The following PDE11A variants were observed in gnomAD, a reference collection of about 807,000 sequenced individuals.
PDE11A encodes dual 3',5'-cyclic-AMP and -GMP phosphodiesterase 11A.
Under a neutral mutation model 100.5 loss-of-function variants are expected in PDE11A, and 100 were observed. The observed-to-expected ratio is 1.00, with a 90% CI of 0.85 to 1.18. PDE11A has a LOEUF of 1.18. Ranked by LOEUF, PDE11A falls within the 50% of genes most tolerant of loss-of-function variation. The pLI, the probability that PDE11A is intolerant of heterozygous loss-of-function variation, is 0.00. For synonymous variants in PDE11A, 381 were observed against 420.8 expected (o/e 0.91, Z 1.16); for missense variants, 1,141 against 1,152.6 (o/e 0.99, Z 0.15).
chr2:177,814,795 AG>A (rs1407681650), intron 9 of PDE11A, among the ~76,000 whole-genome samples: 1 of 152,182 alleles, frequency 6.6e-6, no homozygotes, highest in East Asian at 1.9e-4. Context: ...CAGAAATTCT[AG>A]GGTATATGAG....
At chr2:178,073,912 T>G (rs914677693), upstream of PDE11A, among the ~76,000 whole-genome samples, 15 of 152,022 alleles carry the variant, frequency 9.9e-5, no homozygotes, top group Middle Eastern at 3.4e-3. Context: ...TGTCAGGGTT[T>G]TTTTTTTTTT....
intron 2 of PDE11A, among the ~76,000 whole-genome samples, chr2:177,921,061 CAA>C (rs34249286): frequency 4.6e-5 from 4 of 87,824 alleles, no homozygotes; most frequent in African/African-American, 8.6e-5. Flanking sequence ...GACTCCATCT[CAA>C]AAAAAAAAAA....
chr2:177,879,978 T>C (rs574304701), intron 4 of PDE11A, among the ~76,000 whole-genome samples: 1 of 152,332 alleles, frequency 6.6e-6, no homozygotes, highest in African/African-American at 2.4e-5. Flanking sequence ...TTTTAATGTA[T>C]AAGGGGAAAG....
chr2:177,722,139 C>A (rs1276650994), intron 12 of PDE11A, among the ~76,000 whole-genome samples: 1 of 152,084 alleles, frequency 6.6e-6, no homozygotes, highest in Non-Finnish European at 1.5e-5. Context: ...TCACTTTAAT[C>A]AAAAATCCTA....
chr2:177,797,650 T>C (rs1000686951), intron 9 of PDE11A, among the ~76,000 whole-genome samples: 18 of 152,228 alleles, frequency 1.2e-4, no homozygotes, highest in Non-Finnish European at 2.9e-5. Context: ...ATGGGGACTA[T>C]GTTAAGTTAC....
At chr2:177,720,623 A>G (rs371360615) in intron 12 of PDE11A, among the ~76,000 whole-genome samples, 1 of 152,314 alleles carries the variant, frequency 6.6e-6, no homozygotes, top group East Asian at 1.9e-4. Context: ...TAGGACCAAC[A>G]AACTCACATG....
At chr2:177,904,965 C>A (rs2084759277) in intron 3 of PDE11A, 133 bp downstream of exon 3, 1 of 693,030 alleles carries the variant, frequency 1.4e-6, no homozygotes, top group African/African-American at 1.8e-5. Context: ...CACAGCCTTG[C>A]AGAATTATAC....
chr2:177,650,227 A>G (rs2080288142), intron 19 of PDE11A, among the ~76,000 whole-genome samples: 1 of 152,138 alleles, frequency 6.6e-6, no homozygotes, highest in African/African-American at 2.4e-5. Context: ...AAAACTCTTC[A>G]ATCCCTATCA....
chr2:178,009,460 T>C (rs1574339000), intron 2 of PDE11A, among the ~76,000 whole-genome samples: 5 of 152,218 alleles, frequency 3.3e-5, no homozygotes. Flanking sequence ...CTATATTTCA[T>C]ACAAACTCTC....
intron 6 of PDE11A, among the ~76,000 whole-genome samples, chr2:177,827,476 T>C (rs1453562949): frequency 6.6e-6 from 1 of 152,246 alleles, no homozygotes; most frequent in African/African-American, 2.4e-5. Context: ...TATTTAAATG[T>C]TGAGTCCAAG....
rs957614517 is a variant in PDE11A at position 178,072,759 on chromosome 2, T to G, written c.-322A>C. The G allele has an allele frequency of 1.5e-6, 2 of 1,292,914 alleles. No individual in the cohort carries two copies. The highest frequency in any genetic ancestry group is 2.0e-6 in the Non-Finnish European group (2 of 1,011,280). 80.1% of individuals were successfully genotyped at this position (1,292,914 alleles called of 1,614,324 possible). ...CTGTTCTGGCTGCCGCCGCTGCTGC[T>G]GGAACTGCTGCTGTAACCGGATGAG... On this transcript the variant is annotated 5_prime_UTR_variant, in exon 1 of 20. Transcript: ENST00000286063.
At chr2:178,077,450 A>G (rs2087222528), upstream of PDE11A, among the ~76,000 whole-genome samples, 1 of 151,858 alleles carries the variant, frequency 6.6e-6, no homozygotes, top group African/African-American at 2.4e-5. Context: ...CACTCAATCC[A>G]GTATATTTTA....
intron 19 of PDE11A, among the ~76,000 whole-genome samples, chr2:177,652,737 A>G (rs1486838062): frequency 2.0e-5 from 3 of 152,174 alleles, no homozygotes; most frequent in Non-Finnish European, 4.4e-5. Context: ...GCTAGAAACT[A>G]ATAGAGAAGA....
chr2:177,834,454 T>C (rs1187677645), intron 6 of PDE11A, among the ~76,000 whole-genome samples: 5 of 152,232 alleles, frequency 3.3e-5, no homozygotes, highest in Non-Finnish European at 7.3e-5. Context: ...ACCTATCTTT[T>C]CTTTTACAAT....
At chr2:177,783,540 C>T (rs950539334) in intron 9 of PDE11A, among the ~76,000 whole-genome samples, 1 of 151,912 alleles carries the variant, frequency 6.6e-6, no homozygotes, top group Non-Finnish European at 1.5e-5. Flanking sequence ...ACCTTTTTTC[C>T]TGAGGCCCTG....
At chr2:177,885,142 A>G (rs2084408458) in intron 4 of PDE11A, among the ~76,000 whole-genome samples, 1 of 152,058 alleles carries the variant, frequency 6.6e-6, no homozygotes, top group Admixed American at 6.6e-5. Context: ...ATTGATATAC[A>G]GTTATTAATA....
chr2:177,946,168 C>CA, intron 2 of PDE11A, among the ~76,000 whole-genome samples: 1 of 115,186 alleles, frequency 8.7e-6, no homozygotes, highest in African/African-American at 3.4e-5. Flanking sequence ...TCTGCCCGGC[C>CA]GCCCCTACTG....
intron 17 of PDE11A, among the ~76,000 whole-genome samples, chr2:177,674,772 T>C: frequency 6.6e-6 from 1 of 152,200 alleles, no homozygotes; most frequent in East Asian, 1.9e-4. Flanking sequence ...TGGAAATGCA[T>C]CTTATTTTCC....
At chr2:177,858,643 T>C (rs1450311870) in intron 5 of PDE11A, among the ~76,000 whole-genome samples, 3 of 152,216 alleles carry the variant, frequency 2.0e-5, no homozygotes, top group Admixed American at 6.5e-5. Flanking sequence ...TTTACACTGT[T>C]AGTGGGAGTG....
Sources: allele counts gnomAD v4.1 joint callset (sites outside exome capture counted in the v4.1 genomes callset), GRCh38; gene constraint gnomAD v4.1.1; transcripts MANE v1.5; gene names NCBI Gene and HGNC (gene_info 2026-07-23, HGNC 2026-07-21).